The following HLA-DQA2 variants were observed in gnomAD, a reference collection of about 807,000 sequenced individuals.
HLA-DQA2 encodes the protein HLA class II histocompatibility antigen, DQ alpha 2 chain.
A neutral mutation model predicts 21.0 loss-of-function variants in HLA-DQA2; 17 were observed. The observed-to-expected ratio is 0.81, with a 90% CI of 0.56 to 1.22. The LOEUF (loss-of-function observed/expected upper bound fraction) is 1.22. Among genes scored for constraint, HLA-DQA2 ranks in the 50% most tolerant of loss-of-function variants. The pLI, the probability that HLA-DQA2 is intolerant of heterozygous loss-of-function variation, is 0.00. For synonymous variants in HLA-DQA2, 81 were observed against 116.5 expected (o/e 0.70, Z 1.96); for missense variants, 239 against 308.8 (o/e 0.77, Z 1.69).
chr6:32,744,889 C>T (rs9276434), intron 1 of HLA-DQA2, among the ~76,000 whole-genome samples: 136,933 of 152,234 alleles, frequency 0.9, 61,696 homozygotes, highest in East Asian at 1. Flanking sequence ...GCTTATGATG[C>T]GCCAGGCACT....
At chr6:32,746,100 G>A (rs764439734) in intron 3 of HLA-DQA2, 28 bp downstream of exon 3, 2 of 1,472,294 alleles carry the variant, frequency 1.4e-6, no homozygotes, top group African/African-American at 3.7e-5. Context: ...CACTTCATGG[G>A]TTTCTAATAA....
chr6:32,746,862 C>A lies in HLA-DQA2; in HGVS notation c.*301C>A, dbSNP rs1355879349. 8.7e-6 allele frequency: 3 copies of A among 345,796 alleles called. No homozygotes were observed. The highest frequency in any genetic ancestry group is 1.7e-5 in the Non-Finnish European group (3 of 176,074). The allele number at this position is 345,796 out of a possible 1,614,324, so 21.4% of individuals were successfully genotyped here. On this transcript the variant is annotated 3_prime_UTR_variant, in exon 5 of 5. Coordinates refer to ENST00000374940, the MANE Select transcript of HLA-DQA2 (RefSeq NM_020056.5). ...TTCCTCAATGACCTTTATCTAAAAT[C>A]TCCATGGAAGCAATAAATTCCCTTT...
chr6:32,743,011 G>A (rs1284031754), intron 1 of HLA-DQA2, among the ~76,000 whole-genome samples: 2 of 142,420 alleles, frequency 1.4e-5, no homozygotes, highest in Non-Finnish European at 3.1e-5. Flanking sequence ...GACTACAGGC[G>A]CCCGCCACTG....
rs1763465707 is a variant in HLA-DQA2 at position 32,745,047 on chromosome 6, G to A, written c.83-112G>A. 3.1e-6 allele frequency: 4 copies of A among 1,279,476 alleles called. No homozygotes were observed. In the East Asian group the frequency reaches 7.0e-5, roughly 22 times the overall value. The allele number at this position is 1,279,476 out of a possible 1,614,324, so 79.3% of individuals were successfully genotyped here. The stretch of plus-strand genomic sequence containing the variant: ...GTGTTAGGAAGATTGTTCAGGGACT[G>A]TGCCAAAGATGAAGCCCATAATATT... On this transcript the variant is annotated intron_variant, in intron 1 of 4. Coordinates refer to ENST00000374940, the MANE Select transcript of HLA-DQA2 (RefSeq NM_020056.5).
At chr6:32,746,515 G>A in intron 4 of HLA-DQA2, 67 bp from the exon 5 acceptor site, 1 of 1,383,544 alleles carries the variant, frequency 7.2e-7, no homozygotes, top group Admixed American at 1.8e-5. Flanking sequence ...AGGCGAATTG[G>A]GAAGTGGCAT....
intron 1 of HLA-DQA2, among the ~76,000 whole-genome samples, chr6:32,744,273 C>T (rs73400749): frequency 0.058 from 8,620 of 148,334 alleles, 704 homozygotes; most frequent in African/African-American, 0.18. Context: ...CAGTTCGGCT[C>T]ATTTGGCTAT....
intron 1 of HLA-DQA2, 119 bp from the exon 2 acceptor site, chr6:32,745,040 A>G: frequency 2.5e-6 from 3 of 1,207,472 alleles, no homozygotes; most frequent in Non-Finnish European, 3.5e-6. Context: ...AAGATTGTTC[A>G]GGGACTGTGC....
chr6:32,745,368 T>C lies in HLA-DQA2; in HGVS notation c.292T>C (p.Phe98Leu), dbSNP rs753792504. 6.3e-7 allele frequency: 1 copy of C among 1,577,072 alleles called. No homozygotes were observed. Among genetic ancestry groups the C allele is most frequent in the Non-Finnish European group, 8.6e-7 (1 of 1,161,696 alleles). ...NMAVGKHTLEFMMRQSNSTAA... is the reference protein window; with the variant it reads ...NMAVGKHTLELMMRQSNSTAA... ...GGCTGTGGGAAAACACACCTTGGAA[T>C]TCATGATGAGACAGTCCAACTCTAC... Residue 98 changes from phenylalanine (F) to leucine (L), a missense_variant, in exon 2 of 5, where the codon TTC becomes CTC. Coordinates refer to ENST00000374940, the MANE Select transcript of HLA-DQA2 (RefSeq NM_020056.5).
In HLA-DQA2 at chr6:32,745,217, G is replaced by A. The variant is rs1415165181; in HGVS notation, c.141G>A (p.Gln47=). 2 of 1,614,080 alleles carry A rather than the reference G, an allele frequency of 1.2e-6. No homozygotes were observed. Among genetic ancestry groups the A allele is most frequent in the South Asian group, 2.2e-5 (2 of 91,076 alleles). ...NFYQSHGPSG[Q]YTHEFDGDEE... is the part of the protein sequence containing the mutation. The stretch of plus-strand genomic sequence containing the variant: ...ACCAGTCTCACGGTCCCTCTGGCCA[G>A]TACACCCATGAATTTGATGGAGACG... The change falls in exon 2 of 5, where the codon CAG becomes CAA. Residue 47 remains glutamine (Q), a synonymous_variant. Coordinates refer to ENST00000374940, the MANE Select transcript of HLA-DQA2 (RefSeq NM_020056.5).
At chr6:32,745,757 C>T in intron 2 of HLA-DQA2, 34 bp from the exon 3 acceptor site, 1 of 1,612,604 alleles carries the variant, frequency 6.2e-7, no homozygotes, top group South Asian at 1.1e-5. Context: ...CAGAGCTATT[C>T]ACACTTCACA....
Position 32,746,225 on chromosome 6 carries a change from G to C in HLA-DQA2, c.614-15G>C. 1 of 1,606,532 alleles carries C rather than the reference G, an allele frequency of 6.2e-7. No homozygotes were observed. Among genetic ancestry groups the C allele is most frequent in the Non-Finnish European group, 8.5e-7 (1 of 1,175,752 alleles). On this transcript the variant is annotated splice_polypyrimidine_tract_variant and intron_variant, in intron 3 of 4. Coordinates refer to ENST00000374940, the MANE Select transcript of HLA-DQA2 (RefSeq NM_020056.5). ...CACACTGCACATTCTGACCTCAACA[G>C]CTCCACTTTCACAGAGCCTGAGATT...
At chr6:32,745,529 C>T (rs2113870862) in intron 2 of HLA-DQA2, 122 bp downstream of exon 2, 1 of 1,108,200 alleles carries the variant, frequency 9.0e-7, no homozygotes, top group Non-Finnish European at 1.3e-6. Flanking sequence ...TATCATCTCC[C>T]ATCTCTAAAA....
chr6:32,743,835 T>C (rs1054971660), intron 1 of HLA-DQA2, among the ~76,000 whole-genome samples: 1 of 150,950 alleles, frequency 6.6e-6, no homozygotes, highest in African/African-American at 2.4e-5. Flanking sequence ...GAGATTCCAT[T>C]GAGGCGTTGG....
chr6:32,744,901 A>G (rs78366910), intron 1 of HLA-DQA2, among the ~76,000 whole-genome samples: 8,602 of 152,242 alleles, frequency 0.057, 705 homozygotes, highest in African/African-American at 0.18. Context: ...CCAGGCACTA[A>G]GTAGGCACTC....
chr6:32,746,082 A>G lies in HLA-DQA2; in HGVS notation c.613+10A>G. On this transcript the variant is annotated intron_variant, in intron 3 of 4. Transcript: ENST00000374940. ...CTTCTGAAACACTGGGGTAAGGATG[A>G]GTTCCACCACTTCATGGGTTTCTAA... 1 of 1,612,276 alleles carries G rather than the reference A, an allele frequency of 6.2e-7. No individual in the cohort carries two copies. The highest frequency in any genetic ancestry group is 8.5e-7 in the Non-Finnish European group (1 of 1,179,556).
At position 32,747,047 on chromosome 6, in the gene HLA-DQA2, TA is replaced by T. The variant is rs1253152924; in HGVS notation, c.*488del. The T allele has an allele frequency of 1.1e-5, 2 of 186,782 alleles. No individual in the cohort carries two copies. 11.6% of individuals were successfully genotyped at this position (186,782 alleles called of 1,614,324 possible). ...AGCAACCAAGTACAGTGTATCCTGA[TA>T]ATTTGTTGATTTCTTAACTGGTGTT... On this transcript the variant is annotated 3_prime_UTR_variant, in exon 5 of 5. Coordinates refer to ENST00000374940, the MANE Select transcript of HLA-DQA2 (RefSeq NM_020056.5).
At chr6:32,746,117 T>C (rs755624302) in intron 3 of HLA-DQA2, 45 bp downstream of exon 3, 1 of 1,419,730 alleles carries the variant, frequency 7.0e-7, no homozygotes, top group Non-Finnish European at 9.5e-7. Flanking sequence ...ATAATAGACT[T>C]CACTCTTCTC....
chr6:32,746,219 T>A (rs1465837971), intron 3 of HLA-DQA2, 21 bp from the exon 4 acceptor site: 2 of 1,612,444 alleles, frequency 1.2e-6, no homozygotes, highest in African/African-American at 2.7e-5. Context: ...CATTCTGACC[T>A]CAACAGCTCC....
chr6:32,742,878 T>A (rs1763308213), intron 1 of HLA-DQA2, among the ~76,000 whole-genome samples: 1 of 151,560 alleles, frequency 6.6e-6, no homozygotes, highest in Non-Finnish European at 1.5e-5. Context: ...ACTTTTTTTT[T>A]TTTTTTTGAC....
Sources: gnomAD v4.1 joint callset for allele counts (sites outside exome capture counted in the v4.1 genomes callset) on GRCh38, gnomAD v4.1.1 for gene constraint, MANE v1.5 for transcripts, NCBI Gene and HGNC (gene_info 2026-07-23, HGNC 2026-07-21) for gene names.